Variants in MYOM2 observed in about 807,000 individuals in gnomAD.
The protein encoded by MYOM2 is myomesin-2.
A neutral mutation model predicts 187.6 loss-of-function variants in MYOM2; 254 were observed. The observed-to-expected ratio is 1.35, with a 90% CI of 1.22 to 1.50. The LOEUF is 1.50. MYOM2 is among the 40% of genes most tolerant of loss of function. MYOM2 has a pLI of 0.00. For missense variants in MYOM2, 2,796 were observed against 1,924.0 expected (o/e 1.45, Z -8.48); for synonymous variants, 981 against 753.8 (o/e 1.30, Z -4.94).
intron 18 of MYOM2, among the ~76,000 whole-genome samples, chr8:2,098,393 C>T (rs1221240955): frequency 2.0e-5 from 3 of 152,114 alleles, no homozygotes; most frequent in African/African-American, 4.8e-5. Context: ...TCTTGTCATG[C>T]AGAGTCCAAG....
At chr8:2,057,901 A>G in intron 5 of MYOM2, 121 bp downstream of exon 5, 1 of 985,666 alleles carries the variant, frequency 1.0e-6, no homozygotes, top group Non-Finnish European at 1.5e-6. Flanking sequence ...TTGAAACTCT[A>G]AGCAGAAATA....
At chr8:2,082,137 T>C (rs1235180722) in intron 13 of MYOM2, 1 of 152,212 alleles carries the variant, frequency 6.6e-6, no homozygotes, top group African/African-American at 2.4e-5. Context: ...GACGTGACGC[T>C]TTGTGTGCAT....
chr8:2,051,733 T>G (rs1818496111), intron 2 of MYOM2, among the ~76,000 whole-genome samples: 1 of 152,158 alleles, frequency 6.6e-6, no homozygotes, highest in Non-Finnish European at 1.5e-5. Context: ...CCAGCCACAG[T>G]GAGCTCAGGG....
rs755185825 is a variant in MYOM2, at chr8:2,057,603, A to T, written c.403-20A>T. The T allele has an allele frequency of 6.2e-7, 1 of 1,613,662 alleles. No individual in the cohort carries two copies. The highest frequency in any genetic ancestry group is 2.2e-5 in the East Asian group (1 of 44,854). On this transcript the variant is annotated intron_variant, in intron 4 of 36. Coordinates refer to ENST00000262113, the MANE Select transcript of MYOM2 (RefSeq NM_003970.4). ...TGGCTCGCTGCCTGGGAACCTGACC[A>T]TCCTTGCTTCTCGGGGCAGATGGAG...
At chr8:2,076,439 T>A in intron 11 of MYOM2, 157 bp downstream of exon 11, 2 of 933,638 alleles carry the variant, frequency 2.1e-6, no homozygotes, top group Non-Finnish European at 3.1e-6. Context: ...CCTATTTAGG[T>A]AATTGGTAAA....
At chr8:2,138,350 G>T (rs935970574) in intron 32 of MYOM2, among the ~76,000 whole-genome samples, 5 of 152,188 alleles carry the variant, frequency 3.3e-5, no homozygotes, top group Admixed American at 2.0e-4. Flanking sequence ...GCTGACTGTG[G>T]ACTGAGAGCA....
intron 6 of MYOM2, among the ~76,000 whole-genome samples, chr8:2,064,314 A>G (rs1818943055): frequency 6.6e-6 from 1 of 152,212 alleles, no homozygotes; most frequent in Non-Finnish European, 1.5e-5. Context: ...TTCATACAGT[A>G]TGAAACAAGG....
At chr8:2,101,133 G>T in intron 20 of MYOM2, 79 bp downstream of exon 20, 6 of 1,479,038 alleles carry the variant, frequency 4.1e-6, no homozygotes, top group Non-Finnish European at 5.5e-6. Flanking sequence ...ATCACTTGAG[G>T]TCAGGAGTTC....
At chr8:2,108,013 C>A (rs927145501) in intron 23 of MYOM2, among the ~76,000 whole-genome samples, 1 of 152,202 alleles carries the variant, frequency 6.6e-6, no homozygotes, top group Non-Finnish European at 1.5e-5. Context: ...GAAGGTTGAA[C>A]TGGGAAAGCC....
chr8:2,084,919 C>T (rs550725256), intron 13 of MYOM2: 157 of 273,910 alleles, frequency 5.7e-4, no homozygotes, highest in African/African-American at 3.3e-3. Flanking sequence ...ATGTTCTCTG[C>T]ACAGATTCCC....
At chr8:2,096,188 C>T in intron 17 of MYOM2, 59 bp from the exon 18 acceptor site, 1 of 1,545,222 alleles carries the variant, frequency 6.5e-7, no homozygotes, top group South Asian at 1.2e-5. Flanking sequence ...GCTGGCTGCC[C>T]CGGGGACAAA....
intron 28 of MYOM2, among the ~76,000 whole-genome samples, chr8:2,120,667 TATATATATTATATTATATATAAATATATA>T (rs1449506844): frequency 8.9e-3 from 8 of 894 alleles, no homozygotes; most frequent in African/African-American, 0.02. Flanking sequence ...TGTATATATA[TATATATATTATATTATATATAAATATATA>T]ATATATATAT....
At chr8:2,130,026 C>T (rs746415178) in intron 32 of MYOM2, among the ~76,000 whole-genome samples, 5 of 152,122 alleles carry the variant, frequency 3.3e-5, no homozygotes, top group Non-Finnish European at 5.9e-5. Context: ...GTGTTCAGGC[C>T]AATTATTTGA....
chr8:2,141,120 G>A lies in MYOM2; in HGVS notation c.3965-21G>A, dbSNP rs112706626. The A allele has an allele frequency of 8.2e-4, 1,322 of 1,609,154 alleles. 11 individuals are homozygous for A. The African/African-American group carries it at 0.016, about 20-fold the overall frequency. On this transcript the variant is annotated intron_variant, in intron 33 of 36. Coordinates refer to ENST00000262113, the MANE Select transcript of MYOM2 (RefSeq NM_003970.4). ...TCTGAACACTGAAATGGTTAGTAAC[G>A]TATGAACTATTTCCTCACAGCTTTT...
intron 5 of MYOM2, among the ~76,000 whole-genome samples, chr8:2,058,427 T>G (rs983891844): frequency 6.6e-6 from 1 of 152,228 alleles, no homozygotes; most frequent in Non-Finnish European, 1.5e-5. Context: ...AGTCTGCTTT[T>G]CAATATGGAA....
intron 28 of MYOM2, among the ~76,000 whole-genome samples, chr8:2,120,481 G>C (rs1797386731): frequency 6.6e-6 from 1 of 150,632 alleles, no homozygotes; most frequent in Non-Finnish European, 1.5e-5. Context: ...GCACTCGGGA[G>C]TGGACCCGGG....
intron 21 of MYOM2, among the ~76,000 whole-genome samples, 200 bp from the exon 22 acceptor site, chr8:2,106,042 G>A (rs1796876238): frequency 6.6e-6 from 1 of 152,128 alleles, no homozygotes; most frequent in African/African-American, 2.4e-5. Context: ...GATCTCATAA[G>A]ACTCAGTCAC....
intron 3 of MYOM2, among the ~76,000 whole-genome samples, chr8:2,053,191 G>A (rs1818549165): frequency 1.3e-5 from 2 of 152,194 alleles, no homozygotes. Flanking sequence ...TCAGAAAGAT[G>A]AAGTCATCTG....
At chr8:2,071,286 T>C (rs1374941561) in intron 8 of MYOM2, among the ~76,000 whole-genome samples, 1 of 152,192 alleles carries the variant, frequency 6.6e-6, no homozygotes, top group East Asian at 1.9e-4. Context: ...TGAGCCACTG[T>C]ACCCGGCCTG....
Sources: gnomAD v4.1 joint callset for allele counts (sites outside exome capture counted in the v4.1 genomes callset) on GRCh38, gnomAD v4.1.1 for gene constraint, MANE v1.5 for transcripts, NCBI Gene and HGNC (gene_info 2026-07-23, HGNC 2026-07-21) for gene names.